The following NMNAT1 variants were observed in gnomAD, a reference collection of about 807,000 sequenced individuals.
NMNAT1 encodes nicotinamide nucleotide adenylyltransferase 1, also known as nicotinamide/nicotinic acid mononucleotide adenylyltransferase 1.
NMNAT1 carries 11 observed loss-of-function variants against 16.7 expected under a neutral mutation model. The ratio of observed to expected loss-of-function variants is 0.66; its 90% CI spans 0.41 to 1.09. NMNAT1 has a LOEUF of 1.09. Ranked by LOEUF, NMNAT1 falls within the 50% of genes least tolerant of loss-of-function variation. The pLI is 0.00. For synonymous variants in NMNAT1, 110 were observed against 119.8 expected, an observed-to-expected ratio of 0.92 and a Z score of 0.53; for missense variants, 280 against 332.3, an observed-to-expected ratio of 0.84 and a Z score of 1.22.
At position 9,975,731 on chromosome 1, in the gene NMNAT1, G is replaced by A. The variant is rs2101701634; in HGVS notation, c.255G>A (p.Trp85Ter). Residue 85 changes from tryptophan to a stop codon, truncating the protein, a stop_gained, in exon 3 of 5, where the codon TGG (tryptophan) becomes TGA (stop). Coordinates refer to ENST00000377205, the MANE Select transcript of NMNAT1 (RefSeq NM_022787.4). LOFTEE classifies it high-confidence loss of function. Reference sequence around the variant, plus strand: ...CTAAATGGGTGGAAGTTGATACATGGGAAAGTCTTCAGAAGGAGTGGAAAG... The same window carrying A: ...CTAAATGGGTGGAAGTTGATACATGAGAAAGTCTTCAGAAGGAGTGGAAAG... Reference protein sequence around the residue: ...KNSKWVEVDTWESLQKEWKET... With the variant: ...KNSKWVEVDT The A allele has an allele frequency of 7.4e-6, 12 of 1,614,016 alleles. No homozygotes were observed. Among genetic ancestry groups the A allele is most frequent in the Non-Finnish European group, 9.3e-6 (11 of 1,179,982 alleles).
At chr1:9,946,084 G>C (rs1309573138) in intron 1 of NMNAT1, among the ~76,000 whole-genome samples, 2 of 152,172 alleles carry the variant, frequency 1.3e-5, no homozygotes, top group South Asian at 4.1e-4. Flanking sequence ...ATAATCCAAT[G>C]TTCTGTTCTG....
chr1:9,956,492 G>A (rs923511075), intron 1 of NMNAT1, among the ~76,000 whole-genome samples: 1 of 146,774 alleles, frequency 6.8e-6, no homozygotes, highest in African/African-American at 2.5e-5. Context: ...TATGATCTCA[G>A]CTCACTGCAA....
chr1:9,986,337 T>A (rs1377428364), downstream of NMNAT1, among the ~76,000 whole-genome samples: 1 of 152,226 alleles, frequency 6.6e-6, no homozygotes, highest in Non-Finnish European at 1.5e-5. Flanking sequence ...TGGAGTCTTT[T>A]AAAGCAAATC....
At chr1:9,949,640 G>T (rs1415869671) in intron 1 of NMNAT1, 1 of 151,178 alleles carries the variant, frequency 6.6e-6, no homozygotes, top group Non-Finnish European at 1.5e-5. Flanking sequence ...TTTTTTAGTG[G>T]AGACGGAGTT....
At chr1:9,982,269 C>T (rs1641964659) in intron 4 of NMNAT1, 32 bp from the exon 5 acceptor site, 3 of 1,562,532 alleles carry the variant, frequency 1.9e-6, no homozygotes, top group Non-Finnish European at 2.6e-6. Flanking sequence ...GAAGAAAAAG[C>T]ATACCCCAAA....
At chr1:9,973,048 A>C (rs1317953021) in intron 2 of NMNAT1, among the ~76,000 whole-genome samples, 2 of 152,248 alleles carry the variant, frequency 1.3e-5, no homozygotes, top group Non-Finnish European at 2.9e-5. Flanking sequence ...AAAAAGCGAA[A>C]GCTTGTACTT....
chr1:9,978,441 A>C (rs1465975601), intron 3 of NMNAT1, among the ~76,000 whole-genome samples: 1 of 152,190 alleles, frequency 6.6e-6, no homozygotes, highest in African/African-American at 2.4e-5. Flanking sequence ...TCAGGAGAGA[A>C]TCTCATTAGC....
intron 1 of NMNAT1, among the ~76,000 whole-genome samples, chr1:9,954,336 AG>A (rs1297564943): frequency 6.6e-6 from 1 of 151,472 alleles, no homozygotes; most frequent in Non-Finnish European, 1.5e-5. Context: ...CAACCTCCCA[AG>A]TAGCAGGGAC....
chr1:9,971,503 G>C (rs962175888), intron 1 of NMNAT1, among the ~76,000 whole-genome samples: 6 of 151,938 alleles, frequency 3.9e-5, no homozygotes, highest in African/African-American at 1.4e-4. Context: ...TTGTAAAGAC[G>C]AGGTTTTACC....
rs1641994371 is a variant in NMNAT1, at chr1:9,983,541, AGCTACTTGGGAG to A, written c.*844_*855del. Reference sequence around the variant, plus strand: ...CATGGTGGTGGGCTCCTGTAGTCCCAGCTACTTGGGAGGCTGAGGCAGGAGAATCGCTTGAAC... The same window carrying A: ...CATGGTGGTGGGCTCCTGTAGTCCCAGCTGAGGCAGGAGAATCGCTTGAAC... On this transcript the variant is annotated 3_prime_UTR_variant, in exon 5 of 5. Transcript: ENST00000377205. 1 of 151,886 alleles carries A rather than the reference AGCTACTTGGGAG, an allele frequency of 6.6e-6. No individual in the cohort carries two copies. 9.4% of individuals were successfully genotyped at this position (151,886 alleles called of 1,614,324 possible).
intron 1 of NMNAT1, among the ~76,000 whole-genome samples, chr1:9,960,054 G>C (rs969480685): frequency 5.3e-5 from 8 of 152,130 alleles, no homozygotes; most frequent in Admixed American, 6.6e-5. Flanking sequence ...GTTTAATACT[G>C]AGCATCCTGA....
At chr1:9,943,758 A>G (rs1303898000) in intron 1 of NMNAT1, among the ~76,000 whole-genome samples, 3 of 152,214 alleles carry the variant, frequency 2.0e-5, no homozygotes, top group Non-Finnish European at 4.4e-5. Context: ...ATCTCTTTCT[A>G]GAAGAGTCTT....
At chr1:9,973,499 A>G (rs1641734782) in intron 2 of NMNAT1, among the ~76,000 whole-genome samples, 1 of 149,566 alleles carries the variant, frequency 6.7e-6, no homozygotes, top group South Asian at 2.1e-4. Context: ...CAAGGTCAGG[A>G]GATTGAGACC....
chr1:9,991,924 G>C, the NMNAT1 span, among the ~76,000 whole-genome samples: 1 of 151,842 alleles, frequency 6.6e-6, no homozygotes, highest in Non-Finnish European at 1.5e-5. Context: ...AAAGGGCTGA[G>C]CACAGTGCCT....
chr1:9,950,276 T>C (rs1641077390), intron 1 of NMNAT1, among the ~76,000 whole-genome samples: 2 of 151,990 alleles, frequency 1.3e-5, no homozygotes, highest in Non-Finnish European at 2.9e-5. Context: ...TTTTTAGTAG[T>C]GACAGGGTTT....
chr1:9,966,095 T>C (rs984677129), intron 1 of NMNAT1, among the ~76,000 whole-genome samples: 4 of 151,190 alleles, frequency 2.6e-5, no homozygotes, highest in East Asian at 1.9e-4. Flanking sequence ...GGTTAGGAGT[T>C]TGAGACCAGC....
At position 9,982,776 on chromosome 1, in the gene NMNAT1, G is replaced by T. The variant is rs1301383057; in HGVS notation, c.*75G>T. On this transcript the variant is annotated 3_prime_UTR_variant, in exon 5 of 5. Coordinates refer to ENST00000377205, the MANE Select transcript of NMNAT1 (RefSeq NM_022787.4). ...ATCTGGGAGTTAATAACTGGGGAAA[G>T]AAGTTGTGATCTGTTGCCTAAACTA... 1 of 1,442,292 alleles carries T rather than the reference G, an allele frequency of 6.9e-7. No homozygotes were observed. The highest frequency in any genetic ancestry group is 9.4e-7 in the Non-Finnish European group (1 of 1,069,198). 89.3% of individuals were successfully genotyped at this position (1,442,292 alleles called of 1,614,324 possible). A position where few individuals can be genotyped will look rare whatever the true frequency, so the allele number is the denominator to read the frequency against.
chr1:9,975,856 T>G lies in NMNAT1; in HGVS notation c.299+81T>G, dbSNP rs1641795495. ...GTTTTTACCATGTTTCAATGTTGCTTACATCTGTGAACATACAGATTTGCA... is the reference window on the plus strand; with the variant it reads ...GTTTTTACCATGTTTCAATGTTGCTGACATCTGTGAACATACAGATTTGCA... On this transcript the variant is annotated intron_variant, in intron 3 of 4. Transcript: ENST00000377205. 2.5e-6 allele frequency: 3 copies of G among 1,178,174 alleles called. No homozygotes were observed. The East Asian group carries it at 7.0e-5, about 28-fold the overall frequency. 73.0% of individuals were successfully genotyped at this position (1,178,174 alleles called of 1,614,324 possible).
chr1:9,948,299 G>A lies in NMNAT1; in HGVS notation c.-57+4784G>A, dbSNP rs187002959. ...CTCAAGAAATGGAGTTGTCGGCCAG[G>A]TGAGGTGGCTCATGCTCGTAATCCC... On this transcript the variant is annotated intron_variant, in intron 1 of 4. Coordinates refer to ENST00000377205, the MANE Select transcript of NMNAT1 (RefSeq NM_022787.4). Among the ~76,000 whole-genome samples, 63 of 152,270 alleles carry A rather than the reference G, an allele frequency of 4.1e-4. 1 individual carries two copies.
Sources: allele counts gnomAD v4.1 joint callset (sites outside exome capture counted in the v4.1 genomes callset), GRCh38; gene constraint gnomAD v4.1.1; transcripts MANE v1.5; gene names NCBI Gene and HGNC (gene_info 2026-07-23, HGNC 2026-07-21).